Variants in GMEB2 observed in about 807,000 individuals in gnomAD.
The protein encoded by GMEB2 is glucocorticoid modulatory element binding protein 2.
Under a neutral mutation model 45.7 loss-of-function variants are expected in GMEB2, and 7 were observed. That is an observed-to-expected ratio of 0.15 (90% CI 0.09 to 0.29). The LOEUF is 0.29. Among genes scored for constraint, GMEB2 ranks in the 10% least tolerant of loss-of-function variants. The pLI is 1.00. For synonymous variants in GMEB2, 322 were observed against 323.6 expected (o/e 1.00, Z 0.05); for missense variants, 582 against 739.2 (o/e 0.79, Z 2.47).
intron 4 of GMEB2, among the ~76,000 whole-genome samples, chr20:63,601,824 TGCCTGTGGCTTCCGTGGG>T (rs1158939600): frequency 3.1e-4 from 45 of 143,792 alleles, no homozygotes; most frequent in African/African-American, 8.9e-4. Context: ...GCTTCTGTGC[TGCCTGTGGCTTCCGTGGG>T]GCCTGTGGCT....
intron 6 of GMEB2, among the ~76,000 whole-genome samples, chr20:63,594,112 A>T (rs1274599174): frequency 1.3e-5 from 2 of 152,210 alleles, no homozygotes; most frequent in Non-Finnish European, 2.9e-5. Context: ...GGTGAGTATG[A>T]CTCATATTAC....
At position 63,588,999 on chromosome 20, in the gene GMEB2, A is replaced by T. The variant is rs1294172187; in HGVS notation, c.*1090T>A. On this transcript the variant is annotated 3_prime_UTR_variant, in exon 10 of 10. Transcript: ENST00000370077. ...ACCCGGGGCAGCCTCCTGAACACCC[A>T]GGGGCTCTCCCTTGGACAGAGACCA... The T allele has an allele frequency of 2.5e-6, 1 of 398,712 alleles. No individual in the cohort carries two copies. The highest frequency in any genetic ancestry group is 4.4e-6 in the Non-Finnish European group (1 of 226,216). 24.7% of individuals were successfully genotyped at this position (398,712 alleles called of 1,614,324 possible). A position where few individuals can be genotyped will look rare whatever the true frequency, so the allele number is the denominator to read the frequency against.
At chr20:63,623,110 TTCC>T (rs1176126633) in intron 1 of GMEB2, among the ~76,000 whole-genome samples, 1 of 152,252 alleles carries the variant, frequency 6.6e-6, no homozygotes, top group African/African-American at 2.4e-5. Flanking sequence ...TATTCCCCGT[TTCC>T]TGTTTCAGGA....
chr20:63,602,448 A>G (rs895227364), intron 4 of GMEB2, among the ~76,000 whole-genome samples: 2 of 152,244 alleles, frequency 1.3e-5, no homozygotes, highest in African/African-American at 4.8e-5. Context: ...CAAGGCTCTC[A>G]GGGCAAAAGC....
chr20:63,591,459 C>A (rs1281796649), intron 9 of GMEB2, among the ~76,000 whole-genome samples: 1 of 144,744 alleles, frequency 6.9e-6, no homozygotes, highest in Non-Finnish European at 1.5e-5. Context: ...ACCAGCCCTT[C>A]CCATTCTCTG....
Position 63,590,149 on chromosome 20 carries a change from A to G in GMEB2, c.1533T>C (p.Pro511=), listed in dbSNP as rs778068236. ...VTVPAGAAPG[P]EEHTATIEVA... is the part of the protein sequence containing the mutation. Reference sequence around the variant, plus strand: ...CCTCAATGGTGGCCGTGTGCTCCTCAGGCCCGGGGGCAGCCCCTGCGGGCA... The same window carrying G: ...CCTCAATGGTGGCCGTGTGCTCCTCGGGCCCGGGGGCAGCCCCTGCGGGCA... Residue 511 remains proline (P), a synonymous_variant, in exon 10 of 10, where the codon CCT becomes CCC. Transcript: ENST00000370077. 7.7e-6 allele frequency: 12 copies of G among 1,567,202 alleles called. 1 individual carries two copies. The South Asian group carries it at 1.4e-4, about 18-fold the overall frequency.
At position 63,590,776 on chromosome 20, in the gene GMEB2, T is replaced by C. The variant is rs539049921; in HGVS notation, c.953-47A>G. 16 of 1,234,784 alleles carry C rather than the reference T, an allele frequency of 1.3e-5. No homozygotes were observed. The East Asian group carries it at 3.8e-4, about 30-fold the overall frequency. 76.5% of individuals were successfully genotyped at this position (1,234,784 alleles called of 1,614,324 possible). The stretch of plus-strand genomic sequence containing the variant: ...ATCACACAGGGGACGGGGGCATGGA[T>C]GGCGGCATGCAGGGGATGGGGGCAG... On this transcript the variant is annotated intron_variant, in intron 9 of 9. Coordinates refer to ENST00000370077, the MANE Select transcript of GMEB2 (RefSeq NM_012384.5).
intron 2 of GMEB2, among the ~76,000 whole-genome samples, chr20:63,612,707 G>A (rs2089579699): frequency 6.6e-6 from 1 of 152,148 alleles, no homozygotes; most frequent in Admixed American, 6.5e-5. Flanking sequence ...GCCTCCAGGT[G>A]GAGGATCACA....
chr20:63,592,649 C>T lies in GMEB2; in HGVS notation c.713G>A (p.Arg238Gln). ...AIGDDTFTFW[R>Q]GLKDAGLLDE... is the part of the protein sequence containing the mutation. Reference sequence around the variant, plus strand: ...CAGCAGGCCGGCGTCCTTCAGCCCCCGCCAGAAGGTAAATGTGTCATCTGT... The same window carrying T: ...CAGCAGGCCGGCGTCCTTCAGCCCCTGCCAGAAGGTAAATGTGTCATCTGT... Residue 238 changes from arginine to glutamine, a missense_variant, in exon 8 of 10, where the codon CGG becomes CAG. Physicochemically the swap from Arg to Gln is conservative, Grantham distance 43. Transcript: ENST00000370077. The surrounding 1 kb of genome is among the most constrained non-coding windows in gnomAD (Gnocchi z 8.2). The T allele has an allele frequency of 6.2e-7, 1 of 1,613,286 alleles. No homozygotes were observed. Among genetic ancestry groups the T allele is most frequent in the Non-Finnish European group, 8.5e-7 (1 of 1,179,312 alleles).
intron 4 of GMEB2, among the ~76,000 whole-genome samples, chr20:63,601,896 G>T (rs961452913): frequency 6.9e-6 from 1 of 144,944 alleles, no homozygotes; most frequent in Admixed American, 6.8e-5. Flanking sequence ...GCTTCCGTGG[G>T]GCCTGTGGCT....
intron 4 of GMEB2, among the ~76,000 whole-genome samples, chr20:63,599,464 T>C (rs2083225964): frequency 6.6e-6 from 1 of 152,212 alleles, no homozygotes. Context: ...GGCAAACTCG[T>C]GTCTTTTTCT....
chr20:63,619,431 G>A lies in GMEB2; in HGVS notation c.-34C>T, dbSNP rs918471872. The A allele has an allele frequency of 6.2e-7, 1 of 1,600,864 alleles. No individual in the cohort carries two copies. Among genetic ancestry groups the A allele is most frequent in the East Asian group, 2.2e-5 (1 of 44,748 alleles). On this transcript the variant is annotated 5_prime_UTR_variant, in exon 2 of 10. In the 5' UTR this introduces an upstream ATG that the reference lacks. Coordinates refer to ENST00000370077, the MANE Select transcript of GMEB2 (RefSeq NM_012384.5). The surrounding 1 kb of genome is among the most constrained non-coding windows in gnomAD (Gnocchi z 4.6). ...GGAAGGGGACGCCCAGGCCAGCAGC[G>A]TCAGTCCTCCAGGGTCCCAAGTCCT... is the stretch of plus-strand genomic sequence containing the variant.
chr20:63,589,867 G>A lies in GMEB2; in HGVS notation c.*222C>T, dbSNP rs1320237331. The A allele has an allele frequency of 2.3e-6, 1 of 426,592 alleles. No homozygotes were observed. 26.4% of individuals were successfully genotyped at this position (426,592 alleles called of 1,614,324 possible). A position where few individuals can be genotyped will look rare whatever the true frequency, so the allele number is the denominator to read the frequency against. On this transcript the variant is annotated 3_prime_UTR_variant, in exon 10 of 10. Transcript: ENST00000370077. The stretch of plus-strand genomic sequence containing the variant: ...GAAAAATATATTTCCCAAGAAAAAA[G>A]GGGGAGGAAACGTGGGACCTGAAGA...
rs895445285 is a variant in GMEB2 at position 63,595,509 on chromosome 20, A to G, written c.619+101T>C. On this transcript the variant is annotated intron_variant, in intron 6 of 9. Transcript: ENST00000370077. Reference sequence around the variant, plus strand: ...GCAGGAGACCGGCAGTCCTGGCGTGAGCAAACGCCTGGGGCCAAGGAGGCC... The same window carrying G: ...GCAGGAGACCGGCAGTCCTGGCGTGGGCAAACGCCTGGGGCCAAGGAGGCC... 2.7e-6 allele frequency: 3 copies of G among 1,105,670 alleles called. No individual in the cohort carries two copies. The African/African-American group carries it at 4.7e-5, about 17-fold the overall frequency. The allele number at this position is 1,105,670 out of a possible 1,614,324, so 68.5% of individuals were successfully genotyped here.
intron 2 of GMEB2, among the ~76,000 whole-genome samples, chr20:63,612,446 C>A (rs887377186): frequency 3.9e-5 from 6 of 152,200 alleles, no homozygotes; most frequent in Admixed American, 1.3e-4. Flanking sequence ...CCCAGCCACA[C>A]CCAGACCCGA....
intron 2 of GMEB2, among the ~76,000 whole-genome samples, chr20:63,617,814 T>C (rs1360073967): frequency 6.6e-6 from 1 of 151,300 alleles, no homozygotes; most frequent in African/African-American, 2.4e-5. Context: ...GGACTGGGCC[T>C]ACCCCGAGGC....
At chr20:63,614,282 A>G (rs999253973) in intron 2 of GMEB2, among the ~76,000 whole-genome samples, 16 of 152,354 alleles carry the variant, frequency 1.1e-4, no homozygotes, top group African/African-American at 3.4e-4. Flanking sequence ...AAACTAGGAA[A>G]TCATAACCTA....
intron 1 of GMEB2, among the ~76,000 whole-genome samples, chr20:63,626,680 C>A (rs1310575056): frequency 6.6e-6 from 1 of 151,286 alleles, no homozygotes; most frequent in Non-Finnish European, 1.5e-5. Flanking sequence ...GATGGGTCCA[C>A]CGAGGAGGCC....
chr20:63,622,940 C>T (rs2089649121), intron 1 of GMEB2, among the ~76,000 whole-genome samples: 2 of 152,162 alleles, frequency 1.3e-5, no homozygotes, highest in South Asian at 2.1e-4. Flanking sequence ...GTGTGGCGGA[C>T]GGTGAGTGGC....
Sources: gnomAD v4.1 joint callset for allele counts (sites outside exome capture counted in the v4.1 genomes callset) on GRCh38, gnomAD v4.1.1 for gene constraint, Gnocchi (gnomAD v3.1) non-coding constraint, MANE v1.5 for transcripts, NCBI Gene and HGNC (gene_info 2026-07-23, HGNC 2026-07-21) for gene names.